Variants in MAGI2 observed in about 807,000 individuals in gnomAD.
The protein encoded by MAGI2 is membrane associated guanylate kinase, WW and PDZ domain containing 2, also known as membrane-associated guanylate kinase, WW and PDZ domain-containing protein 2.
In MAGI2, 35 loss-of-function variants were observed where a neutral mutation model predicts 133.3. The ratio of observed to expected loss-of-function variants is 0.26; its 90% CI spans 0.20 to 0.35. MAGI2 has a LOEUF of 0.35. Ranked by LOEUF, MAGI2 falls within the 10% of genes least tolerant of loss-of-function variation. MAGI2 has a pLI of 1.00. For synonymous variants in MAGI2, 729 were observed against 710.6 expected (o/e 1.03, Z -0.41); for missense variants, 1,636 against 1,863.4 (o/e 0.88, Z 2.25).
chr7:79,215,326 A>C (rs1036491486), intron 1 of MAGI2, among the ~76,000 whole-genome samples: 5 of 152,032 alleles, frequency 3.3e-5, no homozygotes, highest in Admixed American at 3.3e-4. Context: ...GCCCCGCAAA[A>C]CTGTCTTTCA....
At chr7:78,976,125 G>A (rs944133890) in intron 2 of MAGI2, among the ~76,000 whole-genome samples, 7 of 151,456 alleles carry the variant, frequency 4.6e-5, no homozygotes, top group African/African-American at 9.7e-5. Flanking sequence ...AAGGCGTTAC[G>A]AGAAAAGAAA....
At chr7:78,519,939 T>C (rs956054493) in intron 4 of MAGI2, among the ~76,000 whole-genome samples, 1 of 152,230 alleles carries the variant, frequency 6.6e-6, no homozygotes, top group African/African-American at 2.4e-5. Flanking sequence ...AAGAAAACGA[T>C]GTACTATCGA....
chr7:78,894,764 T>G lies in MAGI2; in HGVS notation c.418+112326A>C, dbSNP rs61068722. On this transcript the variant is annotated intron_variant, in intron 2 of 21. Transcript: ENST00000354212. ...TAAAAAATATTCTGAATTCAAGTGT[T>G]CAAAGTAAGAGTAACAGAAAGACAA... Among the ~76,000 whole-genome samples, 202 of 152,320 alleles carry G rather than the reference T, an allele frequency of 1.3e-3. 1 individual carries two copies. Among genetic ancestry groups the G allele is most frequent in the African/African-American group, 4.8e-3 (199 of 41,562 alleles).
At chr7:78,558,842 T>G (rs537679559) in intron 3 of MAGI2, among the ~76,000 whole-genome samples, 7 of 151,304 alleles carry the variant, frequency 4.6e-5, no homozygotes, top group Admixed American at 4.6e-4. Context: ...ACACCGTTTT[T>G]TTTTTTTTTT....
At chr7:78,493,063 A>G (rs1007213209) in intron 5 of MAGI2, among the ~76,000 whole-genome samples, 11 of 152,206 alleles carry the variant, frequency 7.2e-5, no homozygotes, top group Admixed American at 4.6e-4. Flanking sequence ...ATGGTTTATC[A>G]TATGGGCATA....
intron 2 of MAGI2, among the ~76,000 whole-genome samples, chr7:78,861,942 G>A (rs934585152): frequency 6.6e-6 from 1 of 152,156 alleles, no homozygotes; most frequent in African/African-American, 2.4e-5. Flanking sequence ...GTGTGGAGCT[G>A]TTCTTACTGA....
chr7:79,095,821 C>G (rs1371502985), intron 1 of MAGI2, among the ~76,000 whole-genome samples: 1 of 151,954 alleles, frequency 6.6e-6, no homozygotes, highest in East Asian at 1.9e-4. Flanking sequence ...TGATAATTAC[C>G]AAAATGTGAC....
chr7:79,408,690 T>C (rs1845964203), intron 1 of MAGI2, among the ~76,000 whole-genome samples: 2 of 152,048 alleles, frequency 1.3e-5, no homozygotes, highest in Admixed American at 6.6e-5. Flanking sequence ...ACAAGTTAAA[T>C]GGAAATCTGT....
intron 1 of MAGI2, among the ~76,000 whole-genome samples, chr7:79,150,490 C>T (rs1474796207): frequency 6.6e-6 from 1 of 152,092 alleles, no homozygotes; most frequent in Admixed American, 6.5e-5. Context: ...AGTTAAGAAA[C>T]ACTTGGCAGA....
intron 1 of MAGI2, among the ~76,000 whole-genome samples, chr7:79,172,419 G>A (rs141257840): frequency 1.4e-4 from 22 of 152,126 alleles, no homozygotes; most frequent in African/African-American, 4.3e-4. Context: ...TCAGACAAAA[G>A]ATTAGGTTAT....
chr7:78,477,351 C>T (rs1791878944), intron 6 of MAGI2, among the ~76,000 whole-genome samples: 2 of 151,934 alleles, frequency 1.3e-5, no homozygotes. Flanking sequence ...GTTGTAAGAA[C>T]ACTGAATGTA....
chr7:78,308,269 C>A (rs932883804), intron 9 of MAGI2, among the ~76,000 whole-genome samples: 1 of 152,262 alleles, frequency 6.6e-6, no homozygotes, highest in East Asian at 1.9e-4. Context: ...TGGTTCTCAG[C>A]CTGTCTGGAC....
At chr7:79,418,697 T>C (rs1846714686) in intron 1 of MAGI2, among the ~76,000 whole-genome samples, 1 of 151,970 alleles carries the variant, frequency 6.6e-6, no homozygotes, top group Admixed American at 6.6e-5. Context: ...TTTAACTTTA[T>C]GCTTCTATGT....
chr7:78,540,662 C>T (rs889729835), intron 3 of MAGI2, among the ~76,000 whole-genome samples: 36 of 152,118 alleles, frequency 2.4e-4, no homozygotes, highest in African/African-American at 8.7e-4. Flanking sequence ...CTGAAAGTTT[C>T]CTTCTCTCTG....
In MAGI2 at chr7:78,649,368, CCT is replaced by C. The variant is rs375004651; in HGVS notation, c.419-22131_419-22130del. 1.2e-3 allele frequency among the ~76,000 whole-genome samples: 187 copies of C among 151,912 alleles called. 2 individuals carry two copies. Among genetic ancestry groups the C allele is most frequent in the African/African-American group, 4.3e-3 (178 of 41,446 alleles). ...TAGGAGACTATACACTAATTCTACC[CCT>C]GTTTTTTATTTTAAAGAATTGCTTT... On this transcript the variant is annotated intron_variant, in intron 2 of 21. Transcript: ENST00000354212.
chr7:78,255,630 T>TA (rs1374671303), intron 10 of MAGI2: 2 of 552,704 alleles, frequency 3.6e-6, no homozygotes, highest in African/African-American at 3.9e-5. Context: ...CCATGACCGA[T>TA]ACATGAATGA....
intron 20 of MAGI2, among the ~76,000 whole-genome samples, chr7:78,103,839 G>T (rs962330723): frequency 6.6e-6 from 1 of 152,224 alleles, no homozygotes; most frequent in African/African-American, 2.4e-5. Context: ...ATTCAGAAAA[G>T]AACTTTATAC....
Position 78,064,479 on chromosome 7 carries a change from A to G in MAGI2, c.3706+14468T>C, listed in dbSNP as rs563687870. On this transcript the variant is annotated intron_variant, in intron 21 of 21. Transcript: ENST00000354212. Reference sequence around the variant, plus strand: ...TATGTTAAATTCTAGCCAGTCCTGGATGGTAATTAGCAGGGTCATTAACAA... The same window carrying G: ...TATGTTAAATTCTAGCCAGTCCTGGGTGGTAATTAGCAGGGTCATTAACAA... Among the ~76,000 whole-genome samples, 3 of 152,276 alleles carry G rather than the reference A, an allele frequency of 2.0e-5. No homozygotes were observed. The South Asian group carries it at 6.2e-4, about 32-fold the overall frequency.
chr7:78,196,276 A>C (rs2150743265), intron 11 of MAGI2, among the ~76,000 whole-genome samples: 1 of 151,404 alleles, frequency 6.6e-6, no homozygotes, highest in East Asian at 1.9e-4. Context: ...CCCTCGCACC[A>C]CTTCCTCACA....
Sources: gnomAD v4.1 joint callset for allele counts (sites outside exome capture counted in the v4.1 genomes callset) on GRCh38, gnomAD v4.1.1 for gene constraint, MANE v1.5 for transcripts, NCBI Gene and HGNC (gene_info 2026-07-23, HGNC 2026-07-21) for gene names.